GRB2: variants seen among roughly 807,000 people sequenced by gnomAD.
GRB2 encodes the protein growth factor receptor-bound protein 2.
A neutral mutation model predicts 27.4 loss-of-function variants in GRB2; 2 were observed. That is an observed-to-expected ratio of 0.07 (90% CI 0.03 to 0.23). GRB2 has a LOEUF of 0.23. GRB2 is among the 10% of genes least tolerant of loss of function. The pLI, the probability that GRB2 is intolerant of heterozygous loss-of-function variation, is 1.00. For synonymous variants in GRB2, 94 were observed against 99.6 expected, an observed-to-expected ratio of 0.94 and a Z score of 0.33; for missense variants, 102 against 282.4, an observed-to-expected ratio of 0.36 and a Z score of 4.58.
intron 4 of GRB2, 72 bp downstream of exon 4, chr17:75,325,826 C>A (rs963918627): frequency 1.3e-6 from 2 of 1,517,054 alleles, no homozygotes; most frequent in Admixed American, 1.7e-5. Flanking sequence ...TAGCCAGGCA[C>A]CTGACCAACG....
At chr17:75,370,298 T>C (rs937614861) in intron 2 of GRB2, among the ~76,000 whole-genome samples, 4 of 152,194 alleles carry the variant, frequency 2.6e-5, no homozygotes, top group Admixed American at 2.6e-4. Flanking sequence ...AACTGAAATG[T>C]CAGTTGATGA....
chr17:75,364,540 G>A (rs2078807296), intron 2 of GRB2, among the ~76,000 whole-genome samples: 1 of 152,022 alleles, frequency 6.6e-6, no homozygotes, highest in South Asian at 2.1e-4. Flanking sequence ...ACCCAGGTCT[G>A]ACCAATTCCA....
chr17:75,346,498 A>T (rs1598229059), intron 2 of GRB2, among the ~76,000 whole-genome samples: 1 of 151,954 alleles, frequency 6.6e-6, no homozygotes, highest in Non-Finnish European at 1.5e-5. Context: ...TCCGTCTCCA[A>T]AAAACAAAGA....
intron 4 of GRB2, among the ~76,000 whole-genome samples, chr17:75,322,623 C>T (rs556934111): frequency 3.3e-5 from 5 of 152,192 alleles, no homozygotes; most frequent in Admixed American, 1.3e-4. Context: ...AACAAAAGGA[C>T]GTACTGGGAC....
At position 75,378,753 on chromosome 17, in the gene GRB2, A is replaced by T. The variant is rs189130348; in HGVS notation, c.78+14798T>A. On this transcript the variant is annotated intron_variant, in intron 2 of 5. Coordinates refer to ENST00000316804, the MANE Select transcript of GRB2 (RefSeq NM_002086.5). Reference sequence around the variant, plus strand: ...TTAGTTCTTCTGTACTGGTAACCTAAGTATAGAAGGAGACGAACCAATTAA... The same window carrying T: ...TTAGTTCTTCTGTACTGGTAACCTATGTATAGAAGGAGACGAACCAATTAA... Among the ~76,000 whole-genome samples, 141 of 152,302 alleles carry T rather than the reference A, an allele frequency of 9.3e-4. 1 individual carries two copies. The highest frequency in any genetic ancestry group is 3.2e-3 in the African/African-American group (134 of 41,544).
chr17:75,333,329 GCCT>G (rs1422941595), intron 2 of GRB2, among the ~76,000 whole-genome samples: 1 of 152,144 alleles, frequency 6.6e-6, no homozygotes, highest in African/African-American at 2.4e-5. Context: ...GCCCACCTTG[GCCT>G]CTCAAATTGC....
chr17:75,345,733 T>C (rs1291401419), intron 2 of GRB2, among the ~76,000 whole-genome samples: 8 of 151,416 alleles, frequency 5.3e-5, no homozygotes, highest in Non-Finnish European at 1.2e-4. Context: ...TGGAGGCGAA[T>C]GCAGAGAGTT....
rs549799096 is a variant in GRB2, at chr17:75,361,498, T to C, written c.79-28701A>G. Among the ~76,000 whole-genome samples the C allele has an allele frequency of 3.2e-4, 48 of 152,306 alleles. No homozygotes were observed. In the South Asian group the frequency reaches 7.9e-3, roughly 25 times the overall value. ...TAAATCCTATCGTCTCCTTACCAAC[T>C]AACTGCGTAATTTATCAGGAAACAC... On this transcript the variant is annotated intron_variant, in intron 2 of 5. Transcript: ENST00000316804.
chr17:75,393,547 T>G lies in GRB2; in HGVS notation c.78+4A>C, dbSNP rs752358169. 8.7e-6 allele frequency: 14 copies of G among 1,612,842 alleles called. No homozygotes were observed. The South Asian group carries it at 1.5e-4, about 18-fold the overall frequency. Reference sequence around the variant, plus strand: ...TCAGCATTGTGCTCGGCATCAGCACTTACCTTGAGGATGTCCCCCCTTTTG... The same window carrying G: ...TCAGCATTGTGCTCGGCATCAGCACGTACCTTGAGGATGTCCCCCCTTTTG... On this transcript the variant is annotated splice_donor_region_variant and intron_variant, in intron 2 of 5. Coordinates refer to ENST00000316804, the MANE Select transcript of GRB2 (RefSeq NM_002086.5).
intron 2 of GRB2, among the ~76,000 whole-genome samples, chr17:75,384,458 CG>C (rs1381481343): frequency 6.6e-6 from 1 of 151,898 alleles, no homozygotes; most frequent in Non-Finnish European, 1.5e-5. Flanking sequence ...CGCCTGAGGT[CG>C]GGAGTTTGAG....
chr17:75,354,899 C>T (rs949696778), intron 2 of GRB2, among the ~76,000 whole-genome samples: 1 of 152,196 alleles, frequency 6.6e-6, no homozygotes, highest in Non-Finnish European at 1.5e-5. Context: ...GGGCACAGTT[C>T]ATGCTTGTAA....
chr17:75,357,767 A>G (rs2078743008), intron 2 of GRB2, among the ~76,000 whole-genome samples: 1 of 152,148 alleles, frequency 6.6e-6, no homozygotes, highest in Admixed American at 6.5e-5. Flanking sequence ...CTAAAAATAC[A>G]AAAATTAGCT....
intron 1 of GRB2, 173 bp from the exon 2 acceptor site, chr17:75,393,938 C>G (rs902691430): frequency 2.2e-6 from 1 of 446,714 alleles, no homozygotes; most frequent in African/African-American, 2.0e-5. Flanking sequence ...TTTTCAGCCT[C>G]GGCCCCCAGG....
chr17:75,389,660 CATGGTGAAACCCCGTCTCTACTAA>C (rs1293919714), intron 2 of GRB2, among the ~76,000 whole-genome samples: 2 of 152,108 alleles, frequency 1.3e-5, no homozygotes, highest in African/African-American at 2.4e-5. Flanking sequence ...TCCTGGCTAA[CATGGTGAAACCCCGTCTCTACTAA>C]AAATACAAAA....
chr17:75,362,637 T>C (rs2078791387), intron 2 of GRB2, among the ~76,000 whole-genome samples: 1 of 152,250 alleles, frequency 6.6e-6, no homozygotes, highest in Non-Finnish European at 1.5e-5. Flanking sequence ...TGTTGTAAAG[T>C]TTATTCCACT....
At chr17:75,344,685 C>T (rs1312320498) in intron 2 of GRB2, among the ~76,000 whole-genome samples, 7 of 152,014 alleles carry the variant, frequency 4.6e-5, no homozygotes, top group African/African-American at 7.2e-5. Flanking sequence ...TGAGCCACCG[C>T]GCTCGGCCTC....
intron 4 of GRB2, among the ~76,000 whole-genome samples, chr17:75,322,291 G>C (rs1054415673): frequency 2.0e-5 from 3 of 150,840 alleles, no homozygotes; most frequent in Non-Finnish European, 4.4e-5. Context: ...AGAATCACTT[G>C]AACCTGGGAG....
At position 75,393,642 on chromosome 17, in the gene GRB2, C is replaced by G; in HGVS notation, c.-14G>C. ...GATGGCTTCCATTCTGAGCGCTGCT[C>G]AGTGCTCAGCAGCCTGAAGCAGGGG... On this transcript the variant is annotated 5_prime_UTR_variant, in exon 2 of 6. Transcript: ENST00000316804. 2 of 1,608,910 alleles carry G rather than the reference C, an allele frequency of 1.2e-6. No individual in the cohort carries two copies. Among genetic ancestry groups the G allele is most frequent in the Non-Finnish European group, 8.5e-7 (1 of 1,175,328 alleles).
At chr17:75,384,801 T>C (rs2078951670) in intron 2 of GRB2, among the ~76,000 whole-genome samples, 2 of 151,946 alleles carry the variant, frequency 1.3e-5, no homozygotes, top group East Asian at 1.9e-4. Flanking sequence ...TGGGAGACCA[T>C]TCAGAAAGAG....
Sources: gnomAD v4.1 joint callset for allele counts (sites outside exome capture counted in the v4.1 genomes callset) on GRCh38, gnomAD v4.1.1 for gene constraint, MANE v1.5 for transcripts, NCBI Gene and HGNC (gene_info 2026-07-23, HGNC 2026-07-21) for gene names.